Variants in PEAK1 observed in about 807,000 individuals in gnomAD.
PEAK1 encodes the protein inactive tyrosine-protein kinase PEAK1.
In PEAK1, 54 loss-of-function variants were observed where a neutral mutation model predicts 124.7. That is an observed-to-expected ratio of 0.43 (90% CI 0.35 to 0.54). The LOEUF (loss-of-function observed/expected upper bound fraction) is 0.54. Ranked by LOEUF, PEAK1 falls within the 20% of genes least tolerant of loss-of-function variation. The pLI is 0.01. For missense variants in PEAK1, 2,046 were observed against 2,134.5 expected (o/e 0.96, Z 0.82); for synonymous variants, 719 against 760.0 (o/e 0.95, Z 0.89).
chr15:77,225,666 T>TATA (rs1555448933), intron 6 of PEAK1, among the ~76,000 whole-genome samples: 13 of 87,986 alleles, frequency 1.5e-4, no homozygotes, highest in Admixed American at 5.4e-4. Flanking sequence ...TGTGTATAAT[T>TATA]TATATATATA....
intron 1 of PEAK1, among the ~76,000 whole-genome samples, chr15:77,415,881 C>T (rs1303348380): frequency 1.3e-5 from 2 of 152,188 alleles, no homozygotes. Context: ...TCCAGTGGCT[C>T]TTTCCAGGCT....
intron 8 of PEAK1, among the ~76,000 whole-genome samples, chr15:77,140,777 C>T (rs767536431): frequency 1.3e-5 from 2 of 151,550 alleles, no homozygotes; most frequent in African/African-American, 4.9e-5. Flanking sequence ...CTTTGTCACC[C>T]AGGCTGGAGT....
chr15:77,286,656 G>C (rs1234816042), intron 2 of PEAK1, 152 bp from the exon 3 acceptor site: 1 of 180,894 alleles, frequency 5.5e-6, no homozygotes, highest in African/African-American at 2.4e-5. Flanking sequence ...AAATCACTAA[G>C]AGGTGTTTTA....
chr15:77,331,382 G>A (rs945260239), intron 2 of PEAK1, among the ~76,000 whole-genome samples: 10 of 151,984 alleles, frequency 6.6e-5, no homozygotes, highest in Admixed American at 1.3e-4. Context: ...CACCTGCCTC[G>A]GCCTCCCAAA....
intron 6 of PEAK1, among the ~76,000 whole-genome samples, chr15:77,210,938 A>G (rs1461382064): frequency 6.6e-6 from 1 of 152,212 alleles, no homozygotes; most frequent in Non-Finnish European, 1.5e-5. Context: ...TTGGGTTTTT[A>G]GCAATATTCA....
Position 77,351,977 on chromosome 15 carries a change from T to C in PEAK1, c.-603+13186A>G, listed in dbSNP as rs149381413. ...GGCTCATGCCTATAATACCAGCAAT[T>C]TGGGAGGCCAAGGCGGGAGTATAGC... On this transcript the variant is annotated intron_variant, in intron 2 of 9. Coordinates refer to ENST00000682557, the MANE Select transcript of PEAK1 (RefSeq NM_001385026.1). 1,416 of 981,758 alleles carry C rather than the reference T, an allele frequency of 1.4e-3. 10 individuals carry two copies. In the African/African-American group the frequency reaches 0.023, roughly 16 times the overall value. 60.8% of individuals were successfully genotyped at this position (981,758 alleles called of 1,614,324 possible). A position where few individuals can be genotyped will look rare whatever the true frequency, so the allele number is the denominator to read the frequency against.
intron 2 of PEAK1, among the ~76,000 whole-genome samples, chr15:77,312,945 G>C (rs1597242523): frequency 6.6e-6 from 1 of 152,128 alleles, no homozygotes; most frequent in East Asian, 1.9e-4. Flanking sequence ...TAACATGGTA[G>C]AATTTATATT....
chr15:77,152,754 T>G (rs554973198), intron 8 of PEAK1, among the ~76,000 whole-genome samples: 39 of 152,284 alleles, frequency 2.6e-4, no homozygotes, highest in African/African-American at 8.7e-4. Context: ...AATCATGTGG[T>G]TTTTGTCTTT....
At chr15:77,351,730 C>G in intron 2 of PEAK1, 1 of 985,216 alleles carries the variant, frequency 1.0e-6, no homozygotes, top group East Asian at 1.1e-4. Flanking sequence ...CCACCGTTAA[C>G]GAGAATAGGG....
Position 77,114,966 on chromosome 15 carries a change from G to C in PEAK1, c.4431C>G (p.Asp1477Glu). Residue 1477 changes from aspartate (D) to glutamate (E), a missense_variant, in exon 10 of 10, where the codon GAC becomes GAG. By Grantham distance (45) the Asp-to-Glu change is conservative (BLOSUM62 2). Coordinates refer to ENST00000682557, the MANE Select transcript of PEAK1 (RefSeq NM_001385026.1). ...PCLTVADFVRDSLAQHGKSPD... is the reference protein window; with the variant it reads ...PCLTVADFVRESLAQHGKSPD... The stretch of plus-strand genomic sequence containing the variant: ...GGCTTTTCCCATGCTGGGCCAGAGA[G>C]TCTCGCACAAAATCAGCCACAGTAA... 1 of 1,614,154 alleles carries C rather than the reference G, an allele frequency of 6.2e-7. No homozygotes were observed. Among genetic ancestry groups the C allele is most frequent in the East Asian group, 2.2e-5 (1 of 44,860 alleles).
chr15:77,158,447 G>T, intron 8 of PEAK1, 56 bp downstream of exon 8: 1 of 1,447,344 alleles, frequency 6.9e-7, no homozygotes, highest in Non-Finnish European at 9.7e-7. Flanking sequence ...CAGAACATTT[G>T]GCTAGTACAG....
chr15:77,213,024 T>C (rs1227949780), intron 6 of PEAK1, among the ~76,000 whole-genome samples: 2 of 152,202 alleles, frequency 1.3e-5, no homozygotes, highest in East Asian at 1.9e-4. Context: ...AAAAAATCTT[T>C]TGAATAAAGA....
intron 6 of PEAK1, among the ~76,000 whole-genome samples, chr15:77,219,431 G>A (rs1235272852): frequency 6.6e-6 from 1 of 152,102 alleles, no homozygotes; most frequent in Non-Finnish European, 1.5e-5. Flanking sequence ...CCCTTTATAT[G>A]TATGAGCATA....
chr15:77,105,381 T>C (rs2050740759), downstream of PEAK1: 1 of 152,190 alleles, frequency 6.6e-6, no homozygotes, highest in Non-Finnish European at 1.5e-5. Flanking sequence ...CACATACCTG[T>C]ACAGAGGTTT....
chr15:77,264,880 C>T (rs985443052), intron 5 of PEAK1, among the ~76,000 whole-genome samples: 1 of 151,932 alleles, frequency 6.6e-6, no homozygotes, highest in Non-Finnish European at 1.5e-5. Context: ...GTAACCAAAA[C>T]AGCATGGTAC....
intron 1 of PEAK1, among the ~76,000 whole-genome samples, chr15:77,414,110 A>C (rs113284638): frequency 0.078 from 8,502 of 108,912 alleles, 311 homozygotes; most frequent in Middle Eastern, 0.13. Context: ...GGAATAAGCC[A>C]CCACACCCAG....
chr15:77,153,301 T>A (rs1192235716), intron 8 of PEAK1, among the ~76,000 whole-genome samples: 2 of 152,220 alleles, frequency 1.3e-5, no homozygotes. Context: ...TATTCTCTGA[T>A]GGTAGTTTGC....
chr15:77,309,897 C>G (rs1236469825), intron 2 of PEAK1, among the ~76,000 whole-genome samples: 1 of 152,024 alleles, frequency 6.6e-6, no homozygotes, highest in Admixed American at 6.6e-5. Flanking sequence ...AATAAAAGAA[C>G]CTTAAGTCAT....
intron 1 of PEAK1, chr15:77,417,661 T>C: frequency 1.0e-6 from 1 of 985,452 alleles, no homozygotes; most frequent in Non-Finnish European, 1.2e-6. Context: ...CAAAAGGGTA[T>C]GATTTGGCAG....
Sources: gnomAD v4.1 joint callset for allele counts (sites outside exome capture counted in the v4.1 genomes callset) on GRCh38, gnomAD v4.1.1 for gene constraint, MANE v1.5 for transcripts, NCBI Gene and HGNC (gene_info 2026-07-23, HGNC 2026-07-21) for gene names.